The following SATB2 variants were observed in gnomAD, a reference collection of about 807,000 sequenced individuals.
The protein encoded by SATB2 is DNA-binding protein SATB2.
SATB2 carries 1 observed loss-of-function variant against 73.4 expected under a neutral mutation model. The ratio of observed to expected loss-of-function variants is 0.01; its 90% CI spans 0.00 to 0.06. The LOEUF is 0.06. Among genes scored for constraint, SATB2 ranks in the 10% least tolerant of loss-of-function variants. The pLI is 1.00. For missense variants in SATB2, 459 were observed against 945.8 expected, an observed-to-expected ratio of 0.49 and a Z score of 6.75; for synonymous variants, 397 against 367.0, an observed-to-expected ratio of 1.08 and a Z score of -0.93.
intron 8 of SATB2, 30 bp downstream of exon 8, chr2:199,328,668 A>G: frequency 6.4e-7 from 1 of 1,562,786 alleles, no homozygotes; most frequent in Non-Finnish European, 8.8e-7. Flanking sequence ...CAAGACAAAG[A>G]GTGAAAAATA....
chr2:199,286,592 C>T (rs1420222918), intron 10 of SATB2, among the ~76,000 whole-genome samples: 2 of 152,082 alleles, frequency 1.3e-5, no homozygotes, highest in African/African-American at 4.8e-5. Flanking sequence ...CCATCCCCAG[C>T]CCACCCACCA....
intron 6 of SATB2, among the ~76,000 whole-genome samples, chr2:199,356,869 C>T (rs993695760): frequency 1.3e-5 from 2 of 152,170 alleles, no homozygotes; most frequent in African/African-American, 4.8e-5. Context: ...TATATAGTAG[C>T]TGAAGCACTG....
chr2:199,299,222 A>G (rs1400549264), intron 10 of SATB2, among the ~76,000 whole-genome samples: 1 of 152,204 alleles, frequency 6.6e-6, no homozygotes, highest in Admixed American at 6.6e-5. Flanking sequence ...CTTATTATCT[A>G]TCTGTTTTCC....
intron 7 of SATB2, among the ~76,000 whole-genome samples, chr2:199,337,005 T>C (rs2105807212): frequency 6.6e-6 from 1 of 152,328 alleles, no homozygotes; most frequent in Non-Finnish European, 1.5e-5. Flanking sequence ...TGTTAGCCAT[T>C]GTTAGGATGC....
At chr2:199,304,381 G>A (rs1318780661) in intron 10 of SATB2, among the ~76,000 whole-genome samples, 1 of 152,080 alleles carries the variant, frequency 6.6e-6, no homozygotes, top group Admixed American at 6.6e-5. Flanking sequence ...CTTTGGTTTG[G>A]TTTGCCTTAC....
chr2:199,429,020 A>AAAAG (rs995272068), intron 3 of SATB2, among the ~76,000 whole-genome samples: 7 of 151,406 alleles, frequency 4.6e-5, no homozygotes, highest in East Asian at 1.9e-4. Context: ...AAAAAAAAAA[A>AAAAG]AAAGAAAGAA....
rs77994464 is a variant in SATB2 at position 199,377,580 on chromosome 2, T to C, written c.597+2784A>G. Among the ~76,000 whole-genome samples, 718 of 152,212 alleles carry C rather than the reference T, an allele frequency of 4.7e-3. 2 individuals carry two copies. Among genetic ancestry groups the C allele is most frequent in the Non-Finnish European group, 7.9e-3 (535 of 68,014 alleles). On this transcript the variant is annotated intron_variant, in intron 5 of 10. Transcript: ENST00000417098. ...TAATTAATTTCATGTGTTTGGAATATAGAATGAGTGCAGGAAGAGGGAAGA... is the reference window on the plus strand; with the variant it reads ...TAATTAATTTCATGTGTTTGGAATACAGAATGAGTGCAGGAAGAGGGAAGA...
chr2:199,327,487 A>G (rs1372968141), intron 8 of SATB2, among the ~76,000 whole-genome samples: 2 of 152,268 alleles, frequency 1.3e-5, no homozygotes, highest in East Asian at 3.9e-4. Flanking sequence ...TGGTTTTGAG[A>G]ATTAGCACTC....
upstream of SATB2, among the ~76,000 whole-genome samples, chr2:199,458,973 GC>G (rs1692393544): frequency 6.6e-6 from 1 of 152,106 alleles, no homozygotes; most frequent in Non-Finnish European, 1.5e-5. Context: ...GCCACTGCCC[GC>G]CGGGCTGTGG....
In SATB2 at chr2:199,431,069, G is replaced by T. The variant is rs139717928; in HGVS notation, c.346+2269C>A. ...AAGTCCCTCAAGTCCTCATCTTGGA[G>T]GAATTACATAAACATGAAACAATCA... On this transcript the variant is annotated intron_variant, in intron 3 of 10. Coordinates refer to ENST00000417098, the MANE Select transcript of SATB2 (RefSeq NM_001172509.2). Among the ~76,000 whole-genome samples the T allele has an allele frequency of 2.9e-3, 435 of 152,194 alleles. 11 individuals are homozygous for T. Among genetic ancestry groups the T allele is most frequent in the Admixed American group, 0.027 (409 of 15,274 alleles).
In SATB2 at chr2:199,323,942, G is replaced by A. The variant is rs746076990; in HGVS notation, c.1403C>T (p.Pro468Leu). ...CACCTTAATAGGGAGGTCTGTTGTC[G>A]GTGTCGAGGTTTTGGCCTACCAAGA... ...SRTPQAKTSTPTTDLPIKVDG... is the reference protein window; with the variant it reads ...SRTPQAKTSTLTTDLPIKVDG... The change falls in exon 9 of 11, where the codon CCG (proline) becomes CTG (leucine). Residue 468 changes from proline (P) to leucine (L), a missense_variant. Pro to Leu is a moderately conservative substitution (Grantham distance 98). This residue lies in a region of SATB2 where 53 missense variants were observed against 70.5 expected (regional missense o/e 0.75). Coordinates refer to ENST00000417098, the MANE Select transcript of SATB2 (RefSeq NM_001172509.2). 17 of 1,613,046 alleles carry A rather than the reference G, an allele frequency of 1.1e-5. No individual in the cohort carries two copies. Among genetic ancestry groups the A allele is most frequent in the South Asian group, 2.2e-5 (2 of 91,020 alleles).
chr2:199,324,075 G>C (rs577592754), intron 8 of SATB2, 117 bp from the exon 9 acceptor site: 9 of 1,010,584 alleles, frequency 8.9e-6, no homozygotes, highest in Non-Finnish European at 1.4e-5. Flanking sequence ...AGCTACAGAG[G>C]GACACTTCCT....
At chr2:199,429,834 C>T (rs1335855442) in intron 3 of SATB2, among the ~76,000 whole-genome samples, 1 of 152,156 alleles carries the variant, frequency 6.6e-6, no homozygotes, top group East Asian at 1.9e-4. Flanking sequence ...CGCCTGAAAC[C>T]GGCAGGCAGA....
At chr2:199,430,416 G>A (rs192079924) in intron 3 of SATB2, among the ~76,000 whole-genome samples, 15 of 152,232 alleles carry the variant, frequency 9.9e-5, no homozygotes, top group East Asian at 3.9e-4. Context: ...GCCAGCTTTC[G>A]GCTTTCTACA....
At chr2:199,366,059 T>C (rs1291557919) in intron 6 of SATB2, among the ~76,000 whole-genome samples, 1 of 152,140 alleles carries the variant, frequency 6.6e-6, no homozygotes, top group African/African-American at 2.4e-5. Flanking sequence ...TTTAACAATG[T>C]AGCCTGCATT....
At chr2:199,398,943 C>T (rs7607687) in intron 3 of SATB2, among the ~76,000 whole-genome samples, 89,994 of 152,060 alleles carry the variant, frequency 0.59, 30,712 homozygotes, top group Non-Finnish European at 0.76. Flanking sequence ...TGGTGCTGAA[C>T]AGCCAATCTT....
chr2:199,452,434 A>G (rs942995346), intron 2 of SATB2, among the ~76,000 whole-genome samples: 5 of 152,166 alleles, frequency 3.3e-5, no homozygotes, highest in Non-Finnish European at 7.4e-5. Flanking sequence ...TGCATGGCTG[A>G]AGCATTCCAT....
Position 199,433,323 on chromosome 2 carries a change from GA to G in SATB2, c.346+14del. ...ACACAAGAGACTTGGGAGGAGAGGG[GA>G]GAGGCATTAATACCTTGGGCCTGGG... On this transcript the variant is annotated intron_variant, in intron 3 of 10. Transcript: ENST00000417098. 6.2e-7 allele frequency: 1 copy of G among 1,611,526 alleles called. No homozygotes were observed. The highest frequency in any genetic ancestry group is 8.5e-7 in the Non-Finnish European group (1 of 1,178,504).
At chr2:199,280,972 T>G (rs1299484016) in intron 10 of SATB2, among the ~76,000 whole-genome samples, 3 of 152,206 alleles carry the variant, frequency 2.0e-5, no homozygotes, top group Non-Finnish European at 2.9e-5. Flanking sequence ...TTGTGGGGCA[T>G]CAGGGAACCT....
Sources: gnomAD v4.1 joint callset for allele counts (sites outside exome capture counted in the v4.1 genomes callset) on GRCh38, gnomAD v4.1.1 for gene constraint, gnomAD v4.1.1 regional missense constraint, MANE v1.5 for transcripts, NCBI Gene and HGNC (gene_info 2026-07-23, HGNC 2026-07-21) for gene names.